EZH2: variants seen among roughly 807,000 people sequenced by gnomAD.
EZH2 encodes the protein enhancer of zeste 2 polycomb repressive complex 2 subunit.
A neutral mutation model predicts 98.4 loss-of-function variants in EZH2; 18 were observed. The ratio of observed to expected loss-of-function variants is 0.18; its 90% CI spans 0.13 to 0.27. EZH2 has a LOEUF of 0.27. EZH2 is among the 10% of genes least tolerant of loss of function. EZH2 has a pLI of 1.00. For synonymous variants in EZH2, 338 were observed against 312.3 expected (o/e 1.08, Z -0.87); for missense variants, 470 against 935.1 (o/e 0.50, Z 6.49).
At chr7:148,844,605 T>G (rs548962354) in intron 3 of EZH2, among the ~76,000 whole-genome samples, 1 of 152,214 alleles carries the variant, frequency 6.6e-6, no homozygotes, top group Non-Finnish European at 1.5e-5. Context: ...TGCGTGTGTG[T>G]GTGGTACTGT....
At chr7:148,841,146 T>C (rs1030820202) in intron 3 of EZH2, among the ~76,000 whole-genome samples, 1 of 152,050 alleles carries the variant, frequency 6.6e-6, no homozygotes, top group South Asian at 2.1e-4. Context: ...GTATTTAATA[T>C]ATGATGCTAT....
At position 148,862,120 on chromosome 7, in the gene EZH2, A is replaced by G. The variant is rs1817761954; in HGVS notation, c.-7-14815T>C. ...GGTGCTTTTCCTCAAAATAACCACC[A>G]TACTTCAGTTAGCAGTGGTAATTTC... On this transcript the variant is annotated intron_variant, in intron 1 of 19. Coordinates refer to ENST00000320356, the MANE Select transcript of EZH2 (RefSeq NM_004456.5). Among the ~76,000 whole-genome samples the G allele has an allele frequency of 8.5e-5, 13 of 152,334 alleles. 1 individual carries two copies. The South Asian group carries it at 2.7e-3, about 32-fold the overall frequency.
Position 148,814,973 on chromosome 7 carries a change from G to A in EZH2, c.1613C>T (p.Ser538Leu), listed in dbSNP as rs1804158896. 3.7e-6 allele frequency: 6 copies of A among 1,613,858 alleles called. No homozygotes were observed. The highest frequency in any genetic ancestry group is 1.1e-5 in the South Asian group (1 of 91,038). ...ATTTTGTGCTATCACACAAGGGCAC[G>A]AACTGTCACAAGGCTGCCGTGGATG... ...CDHPRQPCDS[S>L]CPCVIAQNFC... The change falls in exon 14 of 20, where the codon TCG becomes TTG. Residue 538 changes from serine (S) to leucine (L), a missense_variant. This residue lies in a region of EZH2 where 106 missense variants were observed against 327.2 expected (regional missense o/e 0.32). Coordinates refer to ENST00000320356, the MANE Select transcript of EZH2 (RefSeq NM_004456.5).
In EZH2 at chr7:148,834,382, CAT is replaced by C. The variant is rs752960595; in HGVS notation, c.247-1634_247-1633del. Among the ~76,000 whole-genome samples the C allele has an allele frequency of 3.9e-3, 533 of 137,762 alleles. 4 individuals carry two copies. Among genetic ancestry groups the C allele is most frequent in the Middle Eastern group, 0.011 (3 of 284 alleles). The allele number at this position is 137,762 out of a possible 152,430, so 90.4% of individuals were successfully genotyped here. On this transcript the variant is annotated intron_variant, in intron 3 of 19. Coordinates refer to ENST00000320356, the MANE Select transcript of EZH2 (RefSeq NM_004456.5). ...ACACACACACACACACACACACACA[CAT>C]ATTAAATGTTTAAATTTTTTATTTA...
chr7:148,807,799 G>T, intron 19 of EZH2, 93 bp from the exon 20 acceptor site: 2 of 546,144 alleles, frequency 3.7e-6, no homozygotes, highest in Non-Finnish European at 6.2e-6. Flanking sequence ...GATAGTGGGT[G>T]CATTAAAATG....
rs770327434 is a variant in EZH2 at position 148,817,346 on chromosome 7, A to G, written c.1286T>C (p.Ile429Thr). The change falls in exon 11 of 20, where the codon ATT (isoleucine) becomes ACT (threonine). Residue 429 changes from isoleucine (I) to threonine (T), a missense_variant. Physicochemically the swap from Ile to Thr is moderately conservative, Grantham distance 89. Around this residue, in one of 6 missense-constraint regions of EZH2, gnomAD observed 192 missense variants for 306.8 expected, o/e 0.63. Coordinates refer to ENST00000320356, the MANE Select transcript of EZH2 (RefSeq NM_004456.5). ...CQTPIKMKPNIEPPENVEWSG... is the reference protein window; with the variant it reads ...CQTPIKMKPNTEPPENVEWSG... ...CCACTCCACATTCTCAGGAGGTTCA[A>G]TATTTGGCTTCATCTTTATTGGTGT... The G allele has an allele frequency of 5.6e-6, 9 of 1,614,026 alleles. No homozygotes were observed. Among genetic ancestry groups the G allele is most frequent in the South Asian group, 3.3e-5 (3 of 91,004 alleles).
intron 1 of EZH2, among the ~76,000 whole-genome samples, chr7:148,866,635 T>TACATATACATATACGTATATAC (rs1256491153): frequency 4.1e-5 from 6 of 146,730 alleles, no homozygotes; most frequent in Non-Finnish European, 7.5e-5. Context: ...TATGTATATA[T>TACATATACATATACGTATATAC]ACATATACAT....
rs1392042674 is a variant in EZH2, at chr7:148,850,374, TTTTATG to T, written c.-7-3075_-7-3070del. 6.6e-6 allele frequency: 3 copies of T among 452,384 alleles called. No homozygotes were observed. In the Admixed American group the frequency reaches 1.9e-4, roughly 29 times the overall value. 28.0% of individuals were successfully genotyped at this position (452,384 alleles called of 1,614,324 possible). ...GTCTTGATGAAGACATTAGTTAGCA[TTTTATG>T]TTTTAGTACTAGAACTGTCCTTGTC... is the stretch of plus-strand genomic sequence containing the variant. On this transcript the variant is annotated intron_variant, in intron 1 of 19. Coordinates refer to ENST00000320356, the MANE Select transcript of EZH2 (RefSeq NM_004456.5).
At chr7:148,838,085 T>TG (rs1811375843) in intron 3 of EZH2, among the ~76,000 whole-genome samples, 1 of 149,386 alleles carries the variant, frequency 6.7e-6, no homozygotes, top group Non-Finnish European at 1.5e-5. Context: ...TTTTTTTTTT[T>TG]GAGACAGGGT....
chr7:148,837,159 G>A (rs968825971), intron 3 of EZH2, among the ~76,000 whole-genome samples: 10 of 152,154 alleles, frequency 6.6e-5, no homozygotes, highest in South Asian at 4.1e-4. Flanking sequence ...AGCCATGGCC[G>A]TCCTGCCTCT....
intron 4 of EZH2, 150 bp from the exon 5 acceptor site, chr7:148,829,998 C>G (rs1808886858): frequency 1.9e-6 from 1 of 512,984 alleles, no homozygotes; most frequent in Admixed American, 4.3e-5. Context: ...TAAAATTTAT[C>G]AAAAAATAAA....
chr7:148,811,856 AC>A, intron 15 of EZH2, 136 bp from the exon 16 acceptor site: 1 of 673,602 alleles, frequency 1.5e-6, no homozygotes, highest in South Asian at 1.8e-5. Flanking sequence ...GTAATTGGGC[AC>A]ACAGCTTCAG....
At chr7:148,808,678 A>G (rs1802196272) in intron 19 of EZH2, among the ~76,000 whole-genome samples, 1 of 152,204 alleles carries the variant, frequency 6.6e-6, no homozygotes, top group South Asian at 2.1e-4. Context: ...TCTAATCCAT[A>G]AAGATATGCA....
intron 1 of EZH2, among the ~76,000 whole-genome samples, chr7:148,854,165 G>C (rs139139500): frequency 1.3e-5 from 2 of 152,210 alleles, no homozygotes. Context: ...AAATTCTACC[G>C]GGAGGCGCGG....
rs763682209 is a variant in EZH2 at position 148,826,544 on chromosome 7, G to T, written c.817C>A (p.Gln273Lys). 1.2e-6 allele frequency: 2 copies of T among 1,601,176 alleles called. No individual in the cohort carries two copies. The highest frequency in any genetic ancestry group is 2.7e-5 in the African/African-American group (2 of 74,774). ...AAGGAGTGTAAGCTTTGCTCTCTCT[G>T]AACAGATTTAGCATTTGGTCCATCT... Reference protein sequence around the residue: ...NIDGPNAKSVQREQSLHSFHT... With the variant: ...NIDGPNAKSVKREQSLHSFHT... Residue 273 changes from glutamine (Q) to lysine (K), a missense_variant, in exon 8 of 20, where the codon CAG (glutamine) becomes AAG (lysine). Physicochemically the swap from Gln to Lys is moderately conservative, Grantham distance 53. Around this residue, in one of 6 missense-constraint regions of EZH2, gnomAD observed 192 missense variants for 306.8 expected, o/e 0.63. Transcript: ENST00000320356.
chr7:148,835,237 T>C (rs1214696240), intron 3 of EZH2, among the ~76,000 whole-genome samples: 2 of 151,966 alleles, frequency 1.3e-5, no homozygotes, highest in African/African-American at 4.8e-5. Context: ...CTGGGCAACA[T>C]GGGGAAACCC....
chr7:148,814,784 C>T, intron 14 of EZH2, 130 bp downstream of exon 14: 1 of 1,158,732 alleles, frequency 8.6e-7, no homozygotes, highest in South Asian at 1.7e-5. Context: ...TCAATAAATA[C>T]TTGTCAAATT....
At chr7:148,864,363 C>A (rs891507226) in intron 1 of EZH2, among the ~76,000 whole-genome samples, 2 of 152,168 alleles carry the variant, frequency 1.3e-5, no homozygotes, top group Non-Finnish European at 2.9e-5. Flanking sequence ...ATAAAACAGA[C>A]TCACTAACTG....
chr7:148,842,541 T>C (rs887701787), intron 3 of EZH2, among the ~76,000 whole-genome samples: 23 of 152,216 alleles, frequency 1.5e-4, no homozygotes, highest in Non-Finnish European at 2.9e-5. Context: ...AAAATGTACA[T>C]CCCTTGACCT....
Sources: gnomAD v4.1 joint callset for allele counts (sites outside exome capture counted in the v4.1 genomes callset) on GRCh38, gnomAD v4.1.1 for gene constraint, gnomAD v4.1.1 regional missense constraint, MANE v1.5 for transcripts, NCBI Gene and HGNC (gene_info 2026-07-23, HGNC 2026-07-21) for gene names.